GALNTL6: variants seen among roughly 807,000 people sequenced by gnomAD.
The protein encoded by GALNTL6 is polypeptide N-acetylgalactosaminyltransferase-like 6.
GALNTL6 carries 46 observed loss-of-function variants against 73.7 expected under a neutral mutation model. The ratio of observed to expected loss-of-function variants is 0.62; its 90% CI spans 0.49 to 0.80. GALNTL6 has a LOEUF of 0.80. GALNTL6 is among the 30% of genes least tolerant of loss of function. The pLI, the probability that GALNTL6 is intolerant of heterozygous loss-of-function variation, is 0.00. For synonymous variants in GALNTL6, 259 were observed against 263.7 expected (o/e 0.98, Z 0.17); for missense variants, 604 against 755.0 (o/e 0.80, Z 2.34).
chr4:172,271,537 CAT>C (rs1738652342), intron 3 of GALNTL6, among the ~76,000 whole-genome samples: 1 of 151,986 alleles, frequency 6.6e-6, no homozygotes, highest in Non-Finnish European at 1.5e-5. Context: ...CTTCTGAGTA[CAT>C]ATATATGCAC....
At chr4:172,907,336 T>C (rs988139986) in intron 8 of GALNTL6, among the ~76,000 whole-genome samples, 1 of 152,192 alleles carries the variant, frequency 6.6e-6, no homozygotes, top group Non-Finnish European at 1.5e-5. Context: ...ATTTTATTTA[T>C]AAATACTCAT....
chr4:172,010,387 C>G (rs985819936), intron 2 of GALNTL6, among the ~76,000 whole-genome samples: 4 of 151,964 alleles, frequency 2.6e-5, no homozygotes, highest in African/African-American at 9.7e-5. Flanking sequence ...AGAGAAAAAC[C>G]ATGTTAGGTA....
intron 3 of GALNTL6, among the ~76,000 whole-genome samples, chr4:172,265,338 A>G (rs1314595116): frequency 2.6e-5 from 4 of 152,080 alleles, no homozygotes; most frequent in Non-Finnish European, 5.9e-5. Context: ...AACTATTCCA[A>G]AAGAGAAGGG....
chr4:172,437,240 T>C (rs1234313601), intron 5 of GALNTL6, among the ~76,000 whole-genome samples: 1 of 152,186 alleles, frequency 6.6e-6, no homozygotes, highest in Non-Finnish European at 1.5e-5. Flanking sequence ...TTTTTAAGTT[T>C]GCTCAAGGTT....
chr4:172,851,099 A>C (rs1743791582), intron 7 of GALNTL6, among the ~76,000 whole-genome samples: 1 of 152,050 alleles, frequency 6.6e-6, no homozygotes, highest in Non-Finnish European at 1.5e-5. Flanking sequence ...TTTAAGTTTC[A>C]AGCTTCTAAT....
chr4:172,689,574 G>T (rs1288850410), intron 5 of GALNTL6, among the ~76,000 whole-genome samples: 2 of 152,078 alleles, frequency 1.3e-5, no homozygotes, highest in African/African-American at 4.8e-5. Flanking sequence ...CTGATATGAA[G>T]ACAGATATTA....
intron 5 of GALNTL6, among the ~76,000 whole-genome samples, chr4:172,544,798 T>C (rs1300557506): frequency 6.6e-6 from 1 of 152,188 alleles, no homozygotes; most frequent in Admixed American, 6.5e-5. Context: ...AACTGTGGAA[T>C]TGTATGTGTG....
At chr4:172,764,819 TTAGAGA>T (rs1738314313) in intron 5 of GALNTL6, among the ~76,000 whole-genome samples, 1 of 152,206 alleles carries the variant, frequency 6.6e-6, no homozygotes. Flanking sequence ...AAAAGTGAAC[TTAGAGA>T]TAGTTTGTCT....
chr4:172,321,346 G>A (rs1740750424), intron 4 of GALNTL6, among the ~76,000 whole-genome samples: 1 of 152,064 alleles, frequency 6.6e-6, no homozygotes, highest in Non-Finnish European at 1.5e-5. Flanking sequence ...AGTACTTAGA[G>A]TTGCTAAAAT....
At chr4:172,533,583 A>G (rs973080581) in intron 5 of GALNTL6, among the ~76,000 whole-genome samples, 1 of 152,066 alleles carries the variant, frequency 6.6e-6, no homozygotes, top group African/African-American at 2.4e-5. Context: ...TCAGCCTCCA[A>G]GTGTGCTGGG....
chr4:172,513,810 G>T lies in GALNTL6; in HGVS notation c.553+165121G>T, dbSNP rs528511118. Among the ~76,000 whole-genome samples, 3 of 152,332 alleles carry T rather than the reference G, an allele frequency of 2.0e-5. No homozygotes were observed. The South Asian group carries it at 6.2e-4, about 32-fold the overall frequency. ...GATACCAGCACCTGCTCTGTTGGAGGTAGGAGTGGAGTGAGGTGGACTCTG... is the reference window on the plus strand; with the variant it reads ...GATACCAGCACCTGCTCTGTTGGAGTTAGGAGTGGAGTGAGGTGGACTCTG... On this transcript the variant is annotated intron_variant, in intron 5 of 12. Coordinates refer to ENST00000506823, the MANE Select transcript of GALNTL6 (RefSeq NM_001034845.3).
chr4:171,909,246 G>A (rs1418339084), intron 2 of GALNTL6, among the ~76,000 whole-genome samples: 2 of 151,352 alleles, frequency 1.3e-5, no homozygotes, highest in African/African-American at 4.8e-5. Context: ...ACTATTTTGT[G>A]CAACCACAGT....
At chr4:173,007,539 G>A (rs1050723397) in intron 10 of GALNTL6, among the ~76,000 whole-genome samples, 1 of 152,164 alleles carries the variant, frequency 6.6e-6, no homozygotes, top group African/African-American at 2.4e-5. Context: ...AGGCGTGGTG[G>A]CTCACACCTG....
chr4:172,773,695 T>C (rs2110872655), intron 5 of GALNTL6, among the ~76,000 whole-genome samples: 1 of 152,322 alleles, frequency 6.6e-6, no homozygotes, highest in South Asian at 2.1e-4. Context: ...AAGGTAGATG[T>C]TGTTATCTTT....
chr4:172,909,840 C>T (rs1477060715), intron 8 of GALNTL6, among the ~76,000 whole-genome samples: 1 of 151,946 alleles, frequency 6.6e-6, no homozygotes, highest in Admixed American at 6.6e-5. Flanking sequence ...ACATGTATCT[C>T]AATATTGTTC....
chr4:172,028,089 A>G (rs898331341), intron 2 of GALNTL6, among the ~76,000 whole-genome samples: 3 of 152,120 alleles, frequency 2.0e-5, no homozygotes, highest in Non-Finnish European at 4.4e-5. Context: ...TGAAGATGCA[A>G]GATTGTATTG....
At chr4:171,914,018 C>T (rs1343925859) in intron 2 of GALNTL6, among the ~76,000 whole-genome samples, 1 of 151,862 alleles carries the variant, frequency 6.6e-6, no homozygotes, top group Non-Finnish European at 1.5e-5. Context: ...TAAAAGTACT[C>T]AATTCTGGAT....
intron 8 of GALNTL6, among the ~76,000 whole-genome samples, chr4:172,903,093 A>T (rs1389828692): frequency 6.6e-6 from 1 of 152,000 alleles, no homozygotes; most frequent in Non-Finnish European, 1.5e-5. Flanking sequence ...TCTACCCAAC[A>T]TTTCATTATT....
intron 5 of GALNTL6, among the ~76,000 whole-genome samples, chr4:172,469,773 T>C (rs1732974491): frequency 6.6e-6 from 1 of 152,344 alleles, no homozygotes; most frequent in East Asian, 1.9e-4. Context: ...TAAATTGCTT[T>C]TCACGTTATT....
Sources: allele counts gnomAD v4.1 joint callset (sites outside exome capture counted in the v4.1 genomes callset), GRCh38; gene constraint gnomAD v4.1.1; transcripts MANE v1.5; gene names NCBI Gene and HGNC (gene_info 2026-07-23, HGNC 2026-07-21).